The following GRIA1 variants were observed in gnomAD, a reference collection of about 807,000 sequenced individuals.
GRIA1 encodes the protein glutamate receptor 1.
Under a neutral mutation model 99.2 loss-of-function variants are expected in GRIA1, and 31 were observed. The ratio of observed to expected loss-of-function variants is 0.31; its 90% CI spans 0.23 to 0.42. The LOEUF is 0.42. Among genes scored for constraint, GRIA1 ranks in the 10% least tolerant of loss-of-function variants. The probability of loss-of-function intolerance (pLI) is 1.00; values close to 1 mark genes in which losing one functional copy is unlikely to be tolerated. For synonymous variants in GRIA1, 438 were observed against 432.4 expected (o/e 1.01, Z -0.16); for missense variants, 782 against 1,157.5 (o/e 0.68, Z 4.71).
chr5:153,680,233 C>T (rs867203616), intron 7 of GRIA1, among the ~76,000 whole-genome samples: 17 of 152,042 alleles, frequency 1.1e-4, no homozygotes, highest in Admixed American at 3.3e-4. Flanking sequence ...ACCCCCTCCC[C>T]CTTCACTCCG....
chr5:153,633,793 C>T (rs1350321230), intron 2 of GRIA1, among the ~76,000 whole-genome samples: 4 of 152,120 alleles, frequency 2.6e-5, no homozygotes, highest in African/African-American at 9.7e-5. Flanking sequence ...ATATAAAGAA[C>T]CTGCAGCTTA....
intron 2 of GRIA1, among the ~76,000 whole-genome samples, chr5:153,588,122 G>A (rs571958585): frequency 2.7e-4 from 41 of 152,216 alleles, no homozygotes; most frequent in Admixed American, 1.2e-3. Flanking sequence ...GTGAAAAGCA[G>A]GTTGGTTTGG....
intron 7 of GRIA1, among the ~76,000 whole-genome samples, chr5:153,685,812 C>A (rs1265405603): frequency 6.6e-6 from 1 of 152,200 alleles, no homozygotes; most frequent in African/African-American, 2.4e-5. Flanking sequence ...CCTGGGTCTT[C>A]TGACTCATTA....
intron 2 of GRIA1, among the ~76,000 whole-genome samples, chr5:153,500,177 T>A (rs1329366545): frequency 6.6e-6 from 1 of 152,182 alleles, no homozygotes; most frequent in East Asian, 1.9e-4. Flanking sequence ...AGTTTGAAGA[T>A]CCTGCTGGGA....
At chr5:153,553,693 C>T (rs535014523) in intron 2 of GRIA1, among the ~76,000 whole-genome samples, 87 of 152,266 alleles carry the variant, frequency 5.7e-4, no homozygotes, top group Non-Finnish European at 6.6e-4. Flanking sequence ...AGTTAAACTC[C>T]ACCATTTTGC....
chr5:153,650,243 C>A, intron 3 of GRIA1, 87 bp from the exon 4 acceptor site: 1 of 1,164,802 alleles, frequency 8.6e-7, no homozygotes, highest in Non-Finnish European at 1.2e-6. Context: ...TTGGGGGTAG[C>A]CAGGGGAGGT....
chr5:153,681,380 T>C (rs1373803313), intron 7 of GRIA1, among the ~76,000 whole-genome samples: 1 of 152,144 alleles, frequency 6.6e-6, no homozygotes, highest in Non-Finnish European at 1.5e-5. Flanking sequence ...ATATCCAAAC[T>C]ATATCACGTC....
chr5:153,564,115 C>G (rs914622094), intron 2 of GRIA1, among the ~76,000 whole-genome samples: 14 of 152,278 alleles, frequency 9.2e-5, no homozygotes, highest in African/African-American at 3.1e-4. Context: ...AGAGTCCCAG[C>G]CTTGCCAATG....
intron 7 of GRIA1, among the ~76,000 whole-genome samples, chr5:153,681,661 T>C (rs1165219079): frequency 6.6e-6 from 1 of 152,200 alleles, no homozygotes. Flanking sequence ...TCTGGATTTT[T>C]CCTGTCTGCT....
intron 2 of GRIA1, among the ~76,000 whole-genome samples, chr5:153,526,404 C>CT (rs1344370536): frequency 6.6e-6 from 1 of 152,148 alleles, no homozygotes; most frequent in Non-Finnish European, 1.5e-5. Context: ...AGCTTATACT[C>CT]TTTTTTTGTT....
chr5:153,737,543 G>A (rs1363076717), intron 11 of GRIA1, among the ~76,000 whole-genome samples: 1 of 152,114 alleles, frequency 6.6e-6, no homozygotes, highest in Non-Finnish European at 1.5e-5. Context: ...AATTTTGAGG[G>A]TGACTTTGGA....
rs78610617 is a variant in GRIA1, at chr5:153,545,169, C to T, written c.220+51104C>T. Among the ~76,000 whole-genome samples, 287 of 152,176 alleles carry T rather than the reference C, an allele frequency of 1.9e-3. 2 individuals are homozygous for T. In the East Asian group the frequency reaches 0.031, roughly 16 times the overall value. On this transcript the variant is annotated intron_variant, in intron 2 of 15. Transcript: ENST00000285900. ...TGGAGATTCATGACAAGTAGTCAAA[C>T]GGAAAGGCATTCATTTTGGAGATGG... is the stretch of plus-strand genomic sequence containing the variant.
intron 14 of GRIA1, among the ~76,000 whole-genome samples, chr5:153,800,055 C>A (rs530214492): frequency 3.3e-5 from 5 of 152,290 alleles, no homozygotes; most frequent in Non-Finnish European, 5.9e-5. Context: ...CCAAGGTAAA[C>A]CTCAAGAAGA....
intron 2 of GRIA1, among the ~76,000 whole-genome samples, chr5:153,570,148 A>C (rs1761988223): frequency 6.6e-6 from 1 of 152,218 alleles, no homozygotes; most frequent in South Asian, 2.1e-4. Context: ...TTTCTGTTCT[A>C]AGCTAGGCTT....
At chr5:153,748,600 A>G (rs889817158) in intron 11 of GRIA1, among the ~76,000 whole-genome samples, 6 of 152,218 alleles carry the variant, frequency 3.9e-5, no homozygotes, top group Non-Finnish European at 8.8e-5. Flanking sequence ...GTATAAGAAC[A>G]AGAGAAGAGG....
intron 2 of GRIA1, among the ~76,000 whole-genome samples, chr5:153,635,191 AT>A (rs1483014686): frequency 6.6e-6 from 1 of 152,046 alleles, no homozygotes; most frequent in African/African-American, 2.4e-5. Flanking sequence ...GAAACAAAAG[AT>A]TTTTTTTCTG....
rs548587494 is a variant in GRIA1 at position 153,642,238 on chromosome 5, A to T, written c.221-4690A>T. ...TTCAAACATCCATGACATATCACAGACATTAAGGACTCAAGCTCTGTCGTC... is the reference window on the plus strand; with the variant it reads ...TTCAAACATCCATGACATATCACAGTCATTAAGGACTCAAGCTCTGTCGTC... On this transcript the variant is annotated intron_variant, in intron 2 of 15. Transcript: ENST00000285900. Among the ~76,000 whole-genome samples the T allele has an allele frequency of 1.1e-4, 17 of 152,314 alleles. No homozygotes were observed. The South Asian group carries it at 3.5e-3, about 32-fold the overall frequency.
chr5:153,496,336 T>C, intron 2 of GRIA1, among the ~76,000 whole-genome samples: 1 of 152,220 alleles, frequency 6.6e-6, no homozygotes, highest in Non-Finnish European at 1.5e-5. Flanking sequence ...TTTCCATGAA[T>C]TCCTGTCTTG....
intron 11 of GRIA1, among the ~76,000 whole-genome samples, chr5:153,763,050 T>C (rs1561839658): frequency 6.6e-6 from 1 of 152,182 alleles, no homozygotes; most frequent in Non-Finnish European, 1.5e-5. Flanking sequence ...TTCCAACAAG[T>C]GTTCCTCTCT....
Sources: gnomAD v4.1 joint callset for allele counts (sites outside exome capture counted in the v4.1 genomes callset) on GRCh38, gnomAD v4.1.1 for gene constraint, MANE v1.5 for transcripts, NCBI Gene and HGNC (gene_info 2026-07-23, HGNC 2026-07-21) for gene names.